The following SEPTIN11 variants were observed in gnomAD, a reference collection of about 807,000 sequenced individuals.
SEPTIN11 encodes septin 11.
SEPTIN11 carries 25 observed loss-of-function variants against 51.4 expected under a neutral mutation model. That is an observed-to-expected ratio of 0.49 (90% CI 0.35 to 0.68). The LOEUF is 0.68. Among genes scored for constraint, SEPTIN11 ranks in the 30% least tolerant of loss-of-function variants. The probability of loss-of-function intolerance (pLI) is 0.00; values close to 1 mark genes in which losing one functional copy is unlikely to be tolerated. For missense variants in SEPTIN11, 381 were observed against 520.8 expected (o/e 0.73, Z 2.61); for synonymous variants, 174 against 184.1 (o/e 0.95, Z 0.44).
intron 7 of SEPTIN11, among the ~76,000 whole-genome samples, chr4:77,023,516 TTTCC>T (rs1725890501): frequency 6.6e-6 from 1 of 152,028 alleles, no homozygotes; most frequent in Non-Finnish European, 1.5e-5. Flanking sequence ...GGAACCAGGT[TTTCC>T]ATTTCAACTG....
chr4:76,981,945 T>C (rs972101670), intron 1 of SEPTIN11, among the ~76,000 whole-genome samples: 2 of 152,212 alleles, frequency 1.3e-5, no homozygotes, highest in Non-Finnish European at 2.9e-5. Flanking sequence ...ATGACGTGGC[T>C]GCTCAGTGAT....
At chr4:76,983,853 C>T (rs1027396172) in intron 1 of SEPTIN11, among the ~76,000 whole-genome samples, 1 of 152,060 alleles carries the variant, frequency 6.6e-6, no homozygotes, top group Non-Finnish European at 1.5e-5. Context: ...ACTAAAAATA[C>T]AAAAATTAGC....
At chr4:77,031,469 T>C (rs1348528498) in intron 9 of SEPTIN11, 2 of 152,578 alleles carry the variant, frequency 1.3e-5, no homozygotes, top group African/African-American at 4.8e-5. Flanking sequence ...TGAATTGTTT[T>C]ATTGTGAAAT....
chr4:76,961,658 A>C (rs771955650), intron 1 of SEPTIN11, among the ~76,000 whole-genome samples: 6 of 152,230 alleles, frequency 3.9e-5, no homozygotes, highest in Admixed American at 1.3e-4. Flanking sequence ...GTTTTATAAT[A>C]AAGTGTTGAC....
In SEPTIN11 at chr4:76,996,437, C is replaced by T; in HGVS notation, c.40C>T (p.Arg14Ter). 1.2e-6 allele frequency: 2 copies of T among 1,613,924 alleles called. No homozygotes were observed. Among genetic ancestry groups the T allele is most frequent in the Non-Finnish European group, 1.7e-6 (2 of 1,179,786 alleles). Residue 14 changes from arginine (R) to a stop codon, truncating the protein, a stop_gained, in exon 2 of 10, where the codon CGA (arginine) becomes TGA (stop). Coordinates refer to ENST00000264893, the MANE Select transcript of SEPTIN11 (RefSeq NM_018243.4). LOFTEE classifies it high-confidence loss of function. ...CCTGAAATTGCAGAATGAAGAGCTT[C>T]GAAACTTGTCTTTGTCTGGCCATGT... ...AVGRPSNEEL[R>*]NLSLSGHVGF...
chr4:76,965,550 T>C (rs1450958530), intron 1 of SEPTIN11, among the ~76,000 whole-genome samples: 1 of 151,126 alleles, frequency 6.6e-6, no homozygotes, highest in Non-Finnish European at 1.5e-5. Flanking sequence ...ATTGCCTATA[T>C]AATACATATT....
chr4:77,019,313 T>C, intron 6 of SEPTIN11, 52 bp downstream of exon 6: 1 of 1,436,312 alleles, frequency 7.0e-7, no homozygotes, highest in Non-Finnish European at 9.5e-7. Context: ...CCTATGTGAA[T>C]GGCCGTGTTT....
chr4:77,035,309 G>T lies in SEPTIN11; in HGVS notation c.*797G>T, dbSNP rs149101896. 31 of 985,262 alleles carry T rather than the reference G, an allele frequency of 3.1e-5. No homozygotes were observed. Among genetic ancestry groups the T allele is most frequent in the Non-Finnish European group, 3.7e-5 (31 of 829,916 alleles). 61.0% of individuals were successfully genotyped at this position (985,262 alleles called of 1,614,324 possible). A position where few individuals can be genotyped will look rare whatever the true frequency, so the allele number is the denominator to read the frequency against. ...AAGAATCTTCTTCTAAGGATGATGG[G>T]CTTTCTACAGCCTGCTTACCACTAA... On this transcript the variant is annotated 3_prime_UTR_variant, in exon 10 of 10. Coordinates refer to ENST00000264893, the MANE Select transcript of SEPTIN11 (RefSeq NM_018243.4).
chr4:76,952,819 A>G (rs1434034139), intron 1 of SEPTIN11, among the ~76,000 whole-genome samples: 1 of 152,230 alleles, frequency 6.6e-6, no homozygotes, highest in Non-Finnish European at 1.5e-5. Context: ...TTTTACTCCC[A>G]AGGGATGTGT....
At position 77,011,803 on chromosome 4, in the gene SEPTIN11, A is replaced by T. The variant is rs149630228; in HGVS notation, c.407A>T (p.Lys136Ile). 7.6e-5 allele frequency: 122 copies of T among 1,614,112 alleles called. No individual in the cohort carries two copies. The African/African-American group carries it at 1.3e-3, about 18-fold the overall frequency. Residue 136 changes from lysine (K) to isoleucine (I), a missense_variant, in exon 4 of 10, where the codon AAA becomes ATA. Physicochemically the swap from Lys to Ile is moderately radical, Grantham distance 102. Around this residue, in one of 2 missense-constraint regions of SEPTIN11, gnomAD observed 184 missense variants for 207.7 expected, o/e 0.89. Coordinates refer to ENST00000264893, the MANE Select transcript of SEPTIN11 (RefSeq NM_018243.4). Reference protein sequence around the residue: ...EAYLQEELKIKRSLFNYHDTR... With the variant: ...EAYLQEELKIIRSLFNYHDTR... ...TACCTGCAAGAGGAATTGAAGATTA[A>T]ACGTTCTCTCTTCAACTACCATGAC... is the stretch of plus-strand genomic sequence containing the variant.
At chr4:77,029,005 C>T (rs1490197710) in intron 8 of SEPTIN11, among the ~76,000 whole-genome samples, 1 of 152,186 alleles carries the variant, frequency 6.6e-6, no homozygotes, top group Non-Finnish European at 1.5e-5. Flanking sequence ...AAAACCGAGA[C>T]TAAAACTAGA....
At chr4:76,952,400 C>A (rs767549544) in intron 1 of SEPTIN11, among the ~76,000 whole-genome samples, 1 of 152,072 alleles carries the variant, frequency 6.6e-6, no homozygotes, top group East Asian at 1.9e-4. Flanking sequence ...TCTCCTTTTG[C>A]GATAACTACC....
intron 3 of SEPTIN11, among the ~76,000 whole-genome samples, chr4:77,006,346 C>G (rs747099066): frequency 6.6e-6 from 1 of 152,058 alleles, no homozygotes; most frequent in Non-Finnish European, 1.5e-5. Context: ...GGGTCTTTAC[C>G]ATGAGTTATC....
intron 1 of SEPTIN11, among the ~76,000 whole-genome samples, chr4:76,971,805 A>T (rs1365817364): frequency 6.6e-6 from 1 of 152,198 alleles, no homozygotes; most frequent in Non-Finnish European, 1.5e-5. Flanking sequence ...CTTTGGAGCT[A>T]TTCATTGATA....
At position 77,036,911 on chromosome 4, in the gene SEPTIN11, G is replaced by T; in HGVS notation, c.*2399G>T. On this transcript the variant is annotated 3_prime_UTR_variant, in exon 10 of 10. Transcript: ENST00000264893. ...TTAGAGAAAGCAAATGGGATGGATA[G>T]ATTTTTTTTTTCTTTTCAAGGGGGG... is the stretch of plus-strand genomic sequence containing the variant. 7.5e-7 allele frequency: 1 copy of T among 1,340,856 alleles called. No homozygotes were observed. The highest frequency in any genetic ancestry group is 9.5e-7 in the Non-Finnish European group (1 of 1,050,934). The allele number at this position is 1,340,856 out of a possible 1,614,324, so 83.1% of individuals were successfully genotyped here. A position where few individuals can be genotyped will look rare whatever the true frequency, so the allele number is the denominator to read the frequency against.
rs1411253688 is a variant in SEPTIN11 at position 77,020,644 on chromosome 4, C to T, written c.927C>T (p.Asp309=). The change falls in exon 7 of 10, where the codon GAC becomes GAT. Residue 309 remains aspartate, a synonymous_variant. Transcript: ENST00000264893. ...RCKLEEMGFK[D]TDPDSKPFSL... Reference sequence around the variant, plus strand: ...AGCTTGAAGAGATGGGGTTCAAGGACACTGACCCTGACAGCAAACCCTTCA... The same window carrying T: ...AGCTTGAAGAGATGGGGTTCAAGGATACTGACCCTGACAGCAAACCCTTCA... 1 of 1,613,978 alleles carries T rather than the reference C, an allele frequency of 6.2e-7. No individual in the cohort carries two copies. The highest frequency in any genetic ancestry group is 2.2e-5 in the East Asian group (1 of 44,882).
intron 2 of SEPTIN11, among the ~76,000 whole-genome samples, chr4:77,000,236 A>G (rs369062926): frequency 1.1e-4 from 17 of 152,268 alleles, no homozygotes; most frequent in African/African-American, 3.9e-4. Flanking sequence ...GGATGAGAGA[A>G]CAGGAATTGA....
At chr4:76,995,118 T>C (rs1330850066) in intron 1 of SEPTIN11, among the ~76,000 whole-genome samples, 1 of 147,140 alleles carries the variant, frequency 6.8e-6, no homozygotes. Context: ...GTGTGGTGGC[T>C]CATGCCTGTA....
At chr4:77,019,621 C>T in intron 6 of SEPTIN11, among the ~76,000 whole-genome samples, 1 of 152,302 alleles carries the variant, frequency 6.6e-6, no homozygotes, top group East Asian at 1.9e-4. Context: ...CAAGAGGGTA[C>T]TTTTTTCTCC....
Sources: gnomAD v4.1 joint callset for allele counts (sites outside exome capture counted in the v4.1 genomes callset) on GRCh38, gnomAD v4.1.1 for gene constraint, gnomAD v4.1.1 regional missense constraint, MANE v1.5 for transcripts, NCBI Gene and HGNC (gene_info 2026-07-23, HGNC 2026-07-21) for gene names.